FCHO1: variants seen among roughly 807,000 people sequenced by gnomAD.
FCHO1 encodes the protein FCH and mu domain containing endocytic adaptor 1.
A neutral mutation model predicts 114.4 loss-of-function variants in FCHO1; 45 were observed. That is an observed-to-expected ratio of 0.39 (90% confidence interval 0.31 to 0.50). The LOEUF is 0.50. Among genes scored for constraint, FCHO1 ranks in the 20% least tolerant of loss-of-function variants. The pLI is 0.77. For missense variants in FCHO1, 1,042 were observed against 1,209.6 expected (o/e 0.86, Z 2.06); for synonymous variants, 480 against 488.9 (o/e 0.98, Z 0.24).
upstream of FCHO1, among the ~76,000 whole-genome samples, chr19:17,748,507 TGGGGGG>T (rs71162188): frequency 7.4e-6 from 1 of 134,346 alleles, no homozygotes. Context: ...AGCCTGGACT[TGGGGGG>T]GGGGTCCCTC....
intron 22 of FCHO1, 77 bp from the exon 23 acceptor site, chr19:17,781,635 C>A: frequency 6.5e-7 from 1 of 1,542,256 alleles, no homozygotes; most frequent in Non-Finnish European, 9.0e-7. Context: ...TGTGGTTGGG[C>A]GGAGGGAGTC....
In FCHO1 at chr19:17,775,363, G is replaced by T; in HGVS notation, c.946-93G>T. 1 of 1,331,474 alleles carries T rather than the reference G, an allele frequency of 7.5e-7. No homozygotes were observed. Among genetic ancestry groups the T allele is most frequent in the Non-Finnish European group, 1.1e-6 (1 of 924,416 alleles). 82.5% of individuals were successfully genotyped at this position (1,331,474 alleles called of 1,614,324 possible). ...GGGTTGGTTTTGAGGTCTGAGTCAA[G>T]GCCTGGGGGCAGGGCGGGGGGCGGT... On this transcript the variant is annotated intron_variant, in intron 14 of 28. Coordinates refer to ENST00000596536, the MANE Select transcript of FCHO1 (RefSeq NM_015122.3). This position sits in a 1 kb window ranked among gnomAD's most constrained non-coding sequence, Gnocchi z 5.1.
intron 26 of FCHO1, among the ~76,000 whole-genome samples, chr19:17,786,219 G>C (rs2147508600): frequency 1.3e-5 from 2 of 152,258 alleles, no homozygotes; most frequent in African/African-American, 4.8e-5. Context: ...TGTAATCCCA[G>C]CTACTCAGGA....
rs762117794 is a variant in FCHO1 at position 17,776,553 on chromosome 19, G to A, written c.1208-82G>A. 14 of 1,517,528 alleles carry A rather than the reference G, an allele frequency of 9.2e-6. No homozygotes were observed. The highest frequency in any genetic ancestry group is 6.7e-5 in the Admixed American group (4 of 59,426). 94.0% of individuals were successfully genotyped at this position (1,517,528 alleles called of 1,614,324 possible). On this transcript the variant is annotated intron_variant, in intron 17 of 28. Coordinates refer to ENST00000596536, the MANE Select transcript of FCHO1 (RefSeq NM_015122.3). The surrounding 1 kb of genome is among the most constrained non-coding windows in gnomAD (Gnocchi z 4.4). ...CTTGGGCAACTGGCTGGACACCCCC[G>A]AGCCTCGGTCCCTTGGTCTGTGGAG...
At chr19:17,749,707 A>G (rs967391893), upstream of FCHO1, among the ~76,000 whole-genome samples, 4 of 152,112 alleles carry the variant, frequency 2.6e-5, no homozygotes, top group East Asian at 1.9e-4. Flanking sequence ...TTGAGATAAG[A>G]TACTGCCTTG....
chr19:17,776,400 T>C lies in FCHO1; in HGVS notation c.1207+129T>C, dbSNP rs909025164. On this transcript the variant is annotated intron_variant, in intron 17 of 28. Coordinates refer to ENST00000596536, the MANE Select transcript of FCHO1 (RefSeq NM_015122.3). This position sits in a 1 kb window ranked among gnomAD's most constrained non-coding sequence, Gnocchi z 4.4. ...TAACCACACTGACCTTCAGTCTCCT[T>C]TTCTGTAAAATGAGGTCATTATGAA... 1 of 1,261,394 alleles carries C rather than the reference T, an allele frequency of 7.9e-7. No individual in the cohort carries two copies. Among genetic ancestry groups the C allele is most frequent in the Non-Finnish European group, 1.2e-6 (1 of 860,532 alleles). The allele number at this position is 1,261,394 out of a possible 1,614,324, so 78.1% of individuals were successfully genotyped here. A position where few individuals can be genotyped will look rare whatever the true frequency, so the allele number is the denominator to read the frequency against.
At chr19:17,769,269 C>T (rs1259214098) in intron 7 of FCHO1, among the ~76,000 whole-genome samples, 4 of 55,924 alleles carry the variant, frequency 7.2e-5, no homozygotes, top group Admixed American at 2.9e-4. Context: ...AGCAAGACTC[C>T]GCCTCAAAAA....
Position 17,776,487 on chromosome 19 carries a change from C to A in FCHO1, c.1208-148C>A. The A allele has an allele frequency of 9.6e-7, 1 of 1,040,038 alleles. No individual in the cohort carries two copies. Among genetic ancestry groups the A allele is most frequent in the Non-Finnish European group, 1.5e-6 (1 of 673,764 alleles). The allele number at this position is 1,040,038 out of a possible 1,614,324, so 64.4% of individuals were successfully genotyped here. A position where few individuals can be genotyped will look rare whatever the true frequency, so the allele number is the denominator to read the frequency against. On this transcript the variant is annotated intron_variant, in intron 17 of 28. Transcript: ENST00000596536. This position sits in a 1 kb window ranked among gnomAD's most constrained non-coding sequence, Gnocchi z 4.4. ...AGAAGCTAGCATCTGGAGACAGGCTCGCTTAGGCTTGAATCCATGTCTGCC... is the reference window on the plus strand; with the variant it reads ...AGAAGCTAGCATCTGGAGACAGGCTAGCTTAGGCTTGAATCCATGTCTGCC...
chr19:17,752,161 T>G (rs1183269811), intron 1 of FCHO1: 1 of 152,222 alleles, frequency 6.6e-6, no homozygotes, highest in Non-Finnish European at 1.5e-5. Flanking sequence ...ACAGCAGCCA[T>G]CAGCCCCATG....
chr19:17,772,992 G>T (rs1199286499), intron 11 of FCHO1, among the ~76,000 whole-genome samples: 1 of 152,144 alleles, frequency 6.6e-6, no homozygotes, highest in East Asian at 1.9e-4. Context: ...GGAAAAATGG[G>T]CTGCTGACAA....
chr19:17,775,867 C>A lies in FCHO1; in HGVS notation c.1004-116C>A. The A allele has an allele frequency of 8.1e-7, 1 of 1,237,148 alleles. No individual in the cohort carries two copies. Among genetic ancestry groups the A allele is most frequent in the Non-Finnish European group, 1.1e-6 (1 of 891,174 alleles). The allele number at this position is 1,237,148 out of a possible 1,614,324, so 76.6% of individuals were successfully genotyped here. A position where few individuals can be genotyped will look rare whatever the true frequency, so the allele number is the denominator to read the frequency against. On this transcript the variant is annotated intron_variant, in intron 15 of 28. Transcript: ENST00000596536. The surrounding 1 kb of genome is among the most constrained non-coding windows in gnomAD (Gnocchi z 5.1). ...AGGACTGAAGGTGGCGCGTGGTGAGCGATGGGATTGGGCAGGACCTCGAAG... is the reference window on the plus strand; with the variant it reads ...AGGACTGAAGGTGGCGCGTGGTGAGAGATGGGATTGGGCAGGACCTCGAAG...
At chr19:17,774,191 G>T (rs758536359) in intron 11 of FCHO1, 48 bp from the exon 12 acceptor site, 88 of 1,591,692 alleles carry the variant, frequency 5.5e-5, no homozygotes, top group Non-Finnish European at 7.2e-5. Context: ...TTACAGGCAT[G>T]GGCCACCGTG....
At chr19:17,766,519 C>T in intron 6 of FCHO1, 150 bp from the exon 7 acceptor site, 1 of 1,036,150 alleles carries the variant, frequency 9.7e-7, no homozygotes, top group South Asian at 1.6e-5. Flanking sequence ...CACAGGCCCG[C>T]CTCTTACAGC....
At chr19:17,766,594 C>A (rs375071652) in intron 6 of FCHO1, 75 bp from the exon 7 acceptor site, 4 of 1,582,916 alleles carry the variant, frequency 2.5e-6, no homozygotes, top group African/African-American at 2.7e-5. Flanking sequence ...GCAGCACATA[C>A]CTGAGCCAGT....
chr19:17,782,512 G>A (rs2093515929), intron 23 of FCHO1, among the ~76,000 whole-genome samples: 2 of 152,172 alleles, frequency 1.3e-5, no homozygotes, highest in Admixed American at 1.3e-4. Flanking sequence ...CCATAGGAGA[G>A]CATTTAAGCA....
rs145072253 is a variant in FCHO1 at position 17,778,710 on chromosome 19, C to T, written c.1453C>T (p.Pro485Ser). ...SGLDSPSHAA[P>S]GPSPDSWVPR... is the part of the protein sequence containing the mutation. ...CCTGGACTCTCCGTCCCACGCGGCACCTGGCCCCTCCCCAGATTCCTGGGT... is the reference window on the plus strand; with the variant it reads ...CCTGGACTCTCCGTCCCACGCGGCATCTGGCCCCTCCCCAGATTCCTGGGT... The change falls in exon 20 of 29, where the codon CCT (proline) becomes TCT (serine). Residue 485 changes from proline (P) to serine (S), a missense_variant. Physicochemically the swap from Pro to Ser is moderately conservative, Grantham distance 74 (BLOSUM62 -1). Around this residue, in one of 3 missense-constraint regions of FCHO1, gnomAD observed 455 missense variants for 455.4 expected, o/e 1.00. Coordinates refer to ENST00000596536, the MANE Select transcript of FCHO1 (RefSeq NM_015122.3). The T allele has an allele frequency of 4.5e-6, 7 of 1,547,076 alleles. No homozygotes were observed. The highest frequency in any genetic ancestry group is 1.4e-5 in the African/African-American group (1 of 73,224).
rs182198090 is a variant in FCHO1, at chr19:17,784,336, G to A, written c.2226+101G>A. The A allele has an allele frequency of 7.1e-6, 10 of 1,417,186 alleles. No individual in the cohort carries two copies. The highest frequency in any genetic ancestry group is 4.3e-5 in the African/African-American group (3 of 70,464). 87.8% of individuals were successfully genotyped at this position (1,417,186 alleles called of 1,614,324 possible). A position where few individuals can be genotyped will look rare whatever the true frequency, so the allele number is the denominator to read the frequency against. On this transcript the variant is annotated intron_variant, in intron 25 of 28. Coordinates refer to ENST00000596536, the MANE Select transcript of FCHO1 (RefSeq NM_015122.3). The surrounding 1 kb of genome is among the most constrained non-coding windows in gnomAD (Gnocchi z 5.3). ...CCTGCGTGTTGGCCAGGCTGGTCTCGAATTCCTGACCTCAAGAGATCCAAT... is the reference window on the plus strand; with the variant it reads ...CCTGCGTGTTGGCCAGGCTGGTCTCAAATTCCTGACCTCAAGAGATCCAAT...
At chr19:17,772,226 A>G (rs574528699) in intron 9 of FCHO1, among the ~76,000 whole-genome samples, 4 of 152,236 alleles carry the variant, frequency 2.6e-5, no homozygotes, top group South Asian at 2.1e-4. Context: ...GTGTGCATCA[A>G]ACTGGGCACC....
intron 24 of FCHO1, among the ~76,000 whole-genome samples, chr19:17,783,547 C>T (rs952353047): frequency 1.3e-5 from 2 of 151,306 alleles, no homozygotes; most frequent in African/African-American, 4.9e-5. Flanking sequence ...GGATTACAGG[C>T]GTGAGCTACC....
Sources: allele counts gnomAD v4.1 joint callset (sites outside exome capture counted in the v4.1 genomes callset), GRCh38; gene constraint gnomAD v4.1.1; regional missense constraint gnomAD v4.1.1; non-coding constraint Gnocchi (gnomAD v3.1); transcripts MANE v1.5; gene names NCBI Gene and HGNC (gene_info 2026-07-23, HGNC 2026-07-21).